Variants in PAPPA observed in about 807,000 individuals in gnomAD.
The protein encoded by PAPPA is pappalysin 1.
PAPPA carries 60 observed loss-of-function variants against 164.0 expected under a neutral mutation model. That is an observed-to-expected ratio of 0.37 (90% CI 0.30 to 0.45). The LOEUF is 0.45. Ranked by LOEUF, PAPPA falls within the 20% of genes least tolerant of loss-of-function variation. PAPPA has a pLI of 1.00. For missense variants in PAPPA, 1,782 were observed against 2,087.3 expected (o/e 0.85, Z 2.85); for synonymous variants, 875 against 814.1 (o/e 1.07, Z -1.27).
At chr9:116,386,674 G>A (rs1232386464) in intron 21 of PAPPA, among the ~76,000 whole-genome samples, 3 of 152,260 alleles carry the variant, frequency 2.0e-5, no homozygotes, top group African/African-American at 4.8e-5. Context: ...AGCATGCAGG[G>A]TGCCTGTGTC....
At position 116,207,577 on chromosome 9, in the gene PAPPA, G is replaced by A; in HGVS notation, c.1600G>A (p.Asp534Asn). 6.2e-7 allele frequency: 1 copy of A among 1,613,582 alleles called. No individual in the cohort carries two copies. Among genetic ancestry groups the A allele is most frequent in the Non-Finnish European group, 8.5e-7 (1 of 1,179,688 alleles). ...GGCAGGAGTAGCAACTTGGCCATGG[G>A]ACAAGGAGGCCCTGATGCACTTAGG... ...ELAGVATWPW[D>N]KEALMHLGGI... The change falls in exon 3 of 22, where the codon GAC (aspartate) becomes AAC (asparagine). Residue 534 changes from aspartate to asparagine, a missense_variant. Transcript: ENST00000328252.
intron 7 of PAPPA, among the ~76,000 whole-genome samples, chr9:116,264,841 G>A (rs1191691798): frequency 6.6e-6 from 1 of 152,178 alleles, no homozygotes; most frequent in Non-Finnish European, 1.5e-5. Context: ...AGGACATAGG[G>A]AGGGGGATGT....
Position 116,332,378 on chromosome 9 carries a change from C to T in PAPPA, c.3307C>T (p.Leu1103=). 1 of 1,613,922 alleles carries T rather than the reference C, an allele frequency of 6.2e-7. No individual in the cohort carries two copies. The highest frequency in any genetic ancestry group is 8.5e-7 in the Non-Finnish European group (1 of 1,179,804). The change falls in exon 12 of 22, where the codon CTG becomes TTG. Residue 1103 remains leucine, a synonymous_variant. Coordinates refer to ENST00000328252, the MANE Select transcript of PAPPA (RefSeq NM_002581.5). ...PMVAAAVIVH[L]VTDGTYYGDQ... ...GGTTGCCGCAGCTGTCATTGTCCAC[C>T]TGGTGACGGATGGGACATATTATGG...
In PAPPA at chr9:116,187,892, C is replaced by A. The variant is rs558894712; in HGVS notation, c.1154C>A (p.Ala385Asp). The change falls in exon 2 of 22, where the codon GCC becomes GAC. Residue 385 changes from alanine to aspartate, a missense_variant. By Grantham distance (126) the Ala-to-Asp change is moderately radical. Coordinates refer to ENST00000328252, the MANE Select transcript of PAPPA (RefSeq NM_002581.5). The surrounding 1 kb of genome is among the most constrained non-coding windows in gnomAD (Gnocchi z 4.2). ...VDFQHHQLAE[A>D]FKQYNISWEL... ...TTCCAGCACCATCAGCTGGCTGAGG[C>A]CTTCAAGCAATACAACATCTCCTGG... 6.2e-7 allele frequency: 1 copy of A among 1,614,166 alleles called. No individual in the cohort carries two copies. The highest frequency in any genetic ancestry group is 1.7e-5 in the Admixed American group (1 of 60,032).
chr9:116,265,738 C>T (rs1341353636), intron 7 of PAPPA, 119 bp from the exon 8 acceptor site: 3 of 733,940 alleles, frequency 4.1e-6, no homozygotes, highest in Non-Finnish European at 6.8e-6. Context: ...GCTAAATGTG[C>T]ATTTGATTTC....
At chr9:116,337,512 T>TCA in intron 13 of PAPPA, among the ~76,000 whole-genome samples, 1 of 152,334 alleles carries the variant, frequency 6.6e-6, no homozygotes, top group Non-Finnish European at 1.5e-5. Flanking sequence ...CATCACTTTT[T>TCA]ATAACACAAA....
intron 6 of PAPPA, among the ~76,000 whole-genome samples, chr9:116,228,194 GAGA>G (rs1844539609): frequency 2.0e-5 from 3 of 152,140 alleles, no homozygotes; most frequent in Admixed American, 2.0e-4. Context: ...TTGAAATTAA[GAGA>G]AGAATACCTT....
At chr9:116,198,036 CTTAG>C (rs1844128049) in intron 2 of PAPPA, among the ~76,000 whole-genome samples, 1 of 152,132 alleles carries the variant, frequency 6.6e-6, no homozygotes, top group South Asian at 2.1e-4. Flanking sequence ...ATTGTCTTTG[CTTAG>C]TTGTGATTTA....
intron 1 of PAPPA, among the ~76,000 whole-genome samples, chr9:116,155,376 A>G (rs900402904): frequency 2.0e-5 from 3 of 152,200 alleles, no homozygotes; most frequent in Admixed American, 6.5e-5. Context: ...GAAATCGGAC[A>G]CTTTGCGAGG....
At chr9:116,197,616 C>A (rs1183107797) in intron 2 of PAPPA, among the ~76,000 whole-genome samples, 1 of 152,192 alleles carries the variant, frequency 6.6e-6, no homozygotes, top group Non-Finnish European at 1.5e-5. Flanking sequence ...CATCATTTCT[C>A]TATACTTGAA....
chr9:116,175,170 G>T (rs1349974162), intron 1 of PAPPA, among the ~76,000 whole-genome samples: 9 of 152,086 alleles, frequency 5.9e-5, no homozygotes, highest in Non-Finnish European at 1.3e-4. Flanking sequence ...AAACATCGAG[G>T]GCCAGAAAGT....
At chr9:116,219,008 G>A (rs1431079654) in intron 4 of PAPPA, among the ~76,000 whole-genome samples, 1 of 152,160 alleles carries the variant, frequency 6.6e-6, no homozygotes, top group Non-Finnish European at 1.5e-5. Flanking sequence ...CACTACCCTG[G>A]TTTGTTCCCA....
chr9:116,365,566 T>TTTTTTC (rs1554755536), intron 18 of PAPPA, among the ~76,000 whole-genome samples: 39,322 of 136,844 alleles, frequency 0.29, 7,431 homozygotes, highest in South Asian at 0.5. Context: ...TTTTTTTTTT[T>TTTTTTC]CCTCTCTTGG....
intron 7 of PAPPA, among the ~76,000 whole-genome samples, chr9:116,254,679 A>G (rs890034465): frequency 3.3e-5 from 5 of 151,258 alleles, no homozygotes; most frequent in East Asian, 2.0e-4. Flanking sequence ...CTACTCAGGA[A>G]GCTGAGGCAG....
chr9:116,203,849 C>T (rs1471622084), intron 2 of PAPPA, among the ~76,000 whole-genome samples: 1 of 152,094 alleles, frequency 6.6e-6, no homozygotes, highest in African/African-American at 2.4e-5. Context: ...AGAAAGATTG[C>T]AAGGCAGAGG....
rs1213137292 is a variant in PAPPA at position 116,310,588 on chromosome 9, T to C, written c.3147+7638T>C. Among the ~76,000 whole-genome samples the C allele has an allele frequency of 2.6e-5, 4 of 152,174 alleles. No individual in the cohort carries two copies. The East Asian group carries it at 7.7e-4, about 29-fold the overall frequency. On this transcript the variant is annotated intron_variant, in intron 10 of 21. Transcript: ENST00000328252. ...GGAAACCTTGGACTGTGGGAGACTT[T>C]AAATCTACTGAATCTTATGGGGCCC...
chr9:116,330,209 G>A (rs1440761046), intron 10 of PAPPA, among the ~76,000 whole-genome samples: 1 of 152,176 alleles, frequency 6.6e-6, no homozygotes, highest in Admixed American at 6.5e-5. Flanking sequence ...CCACATTAGA[G>A]ACCAGAGGAG....
intron 4 of PAPPA, 145 bp downstream of exon 4, chr9:116,212,077 G>A (rs544356394): frequency 1.8e-4 from 127 of 698,970 alleles, no homozygotes; most frequent in Admixed American, 5.3e-4. Flanking sequence ...AATGTCTTTC[G>A]GTCATTCTCT....
intron 21 of PAPPA, among the ~76,000 whole-genome samples, chr9:116,391,280 G>C (rs1157378788): frequency 6.6e-6 from 1 of 152,058 alleles, no homozygotes; most frequent in African/African-American, 2.4e-5. Context: ...CCTCGTCCTT[G>C]GCATCATGCC....
Sources: gnomAD v4.1 joint callset for allele counts (sites outside exome capture counted in the v4.1 genomes callset) on GRCh38, gnomAD v4.1.1 for gene constraint, Gnocchi (gnomAD v3.1) non-coding constraint, MANE v1.5 for transcripts, NCBI Gene and HGNC (gene_info 2026-07-23, HGNC 2026-07-21) for gene names.